Variants in FMN2 observed in about 807,000 individuals in gnomAD.
FMN2 encodes the protein formin 2, also known as formin-2.
FMN2 carries 51 observed loss-of-function variants against 142.3 expected under a neutral mutation model. The ratio of observed to expected loss-of-function variants is 0.36; its 90% confidence interval spans 0.29 to 0.45. The LOEUF is 0.45. Among genes scored for constraint, FMN2 ranks in the 20% least tolerant of loss-of-function variants. The pLI, the probability that FMN2 is intolerant of heterozygous loss-of-function variation, is 1.00. For missense variants in FMN2, 1,936 were observed against 2,122.8 expected, an observed-to-expected ratio of 0.91 and a Z score of 1.73; for synonymous variants, 882 against 869.8, an observed-to-expected ratio of 1.01 and a Z score of -0.25.
intron 7 of FMN2, among the ~76,000 whole-genome samples, chr1:240,275,265 G>A (rs972551482): frequency 1.3e-5 from 2 of 151,124 alleles, no homozygotes; most frequent in Admixed American, 6.6e-5. Flanking sequence ...ACAGGCCCCA[G>A]TGTGTGATGT....
chr1:240,370,790 C>T (rs559232517), intron 14 of FMN2, among the ~76,000 whole-genome samples: 96 of 152,134 alleles, frequency 6.3e-4, no homozygotes, highest in Non-Finnish European at 1.2e-3. Context: ...CGTATAATCA[C>T]CAATAACCTG....
chr1:240,391,890 T>C (rs764111360), intron 14 of FMN2, among the ~76,000 whole-genome samples: 1 of 152,140 alleles, frequency 6.6e-6, no homozygotes, highest in African/African-American at 2.4e-5. Context: ...TTTTAAGCAG[T>C]TCGAAATACT....
At chr1:240,114,110 C>A (rs1292436225) in intron 1 of FMN2, among the ~76,000 whole-genome samples, 2 of 152,110 alleles carry the variant, frequency 1.3e-5, no homozygotes, top group African/African-American at 2.4e-5. Context: ...TTTTATCAAC[C>A]CTTTTTTTCC....
In FMN2 at chr1:240,143,188, T is replaced by C. The variant is rs79700937; in HGVS notation, c.1782+19843T>C. The C allele has an allele frequency of 2.1e-4, 341 of 1,588,546 alleles. 1 individual carries two copies. In the East Asian group the frequency reaches 7.5e-3, roughly 35 times the overall value. On this transcript the variant is annotated intron_variant, in intron 2 of 17. Coordinates refer to ENST00000319653, the MANE Select transcript of FMN2 (RefSeq NM_020066.5). ...ATTGCAGCCAGACGGGCATTATTGG[T>C]ACCACTGCCCACCATGCCCATGGCA...
intron 4 of FMN2, among the ~76,000 whole-genome samples, chr1:240,189,518 T>A (rs73112863): frequency 0.024 from 3,698 of 152,348 alleles, 165 homozygotes; most frequent in African/African-American, 0.084. Context: ...AACTTCCCTT[T>A]AGAAAAGAAT....
At chr1:240,217,632 C>T (rs1262449106) in intron 6 of FMN2, among the ~76,000 whole-genome samples, 3 of 151,886 alleles carry the variant, frequency 2.0e-5, no homozygotes, top group Non-Finnish European at 4.4e-5. Context: ...TTTGTGGAAT[C>T]TGGATTTGTT....
intron 15 of FMN2, among the ~76,000 whole-genome samples, chr1:240,399,436 G>A (rs1054882947): frequency 6.6e-6 from 1 of 152,124 alleles, no homozygotes; most frequent in Non-Finnish European, 1.5e-5. Flanking sequence ...TCTAAATCAT[G>A]GTAAGAACAG....
chr1:240,438,576 G>A (rs1675488339), intron 16 of FMN2, among the ~76,000 whole-genome samples: 2 of 152,192 alleles, frequency 1.3e-5, no homozygotes, highest in Admixed American at 1.3e-4. Context: ...AGGGTAAAAG[G>A]AATAGTTTGC....
chr1:240,122,582 C>T (rs1404399919), intron 1 of FMN2, among the ~76,000 whole-genome samples: 1 of 152,092 alleles, frequency 6.6e-6, no homozygotes, highest in Non-Finnish European at 1.5e-5. Flanking sequence ...CATGTCTGGC[C>T]TTGGATCCAA....
rs567847285 is a variant in FMN2, at chr1:240,144,256, G to A, written c.1782+20911G>A. 102 of 1,596,412 alleles carry A rather than the reference G, an allele frequency of 6.4e-5. No homozygotes were observed. The South Asian group carries it at 1.1e-3, about 17-fold the overall frequency. ...CATTCACAAAGCCACTCACAAAAGA[G>A]GAGGCCAGGTTCATGCGGGCAGAGT... On this transcript the variant is annotated intron_variant, in intron 2 of 17. Transcript: ENST00000319653.
In FMN2 at chr1:240,256,048, G is replaced by C. The variant is rs147345415; in HGVS notation, c.4066-1897G>C. The stretch of plus-strand genomic sequence containing the variant: ...GTGTGATCAACATGTCAATACTATA[G>C]GGAGGTCGAATGATAGATGGATTGA... On this transcript the variant is annotated intron_variant, in intron 6 of 17. Transcript: ENST00000319653. Among the ~76,000 whole-genome samples, 527 of 152,276 alleles carry C rather than the reference G, an allele frequency of 3.5e-3. 3 individuals carry two copies. The highest frequency in any genetic ancestry group is 3.4e-3 in the Middle Eastern group (1 of 294).
intron 7 of FMN2, among the ~76,000 whole-genome samples, chr1:240,278,037 T>G (rs866384764): frequency 6.6e-6 from 1 of 152,200 alleles, no homozygotes; most frequent in South Asian, 2.1e-4. Context: ...CTTTACACTT[T>G]TGAGATGAAT....
chr1:240,367,179 T>C (rs1572236531), intron 14 of FMN2, among the ~76,000 whole-genome samples: 1 of 152,322 alleles, frequency 6.6e-6, no homozygotes, highest in East Asian at 1.9e-4. Flanking sequence ...TTCCTGATTA[T>C]TTTTGAGAAA....
chr1:240,105,616 A>G (rs997139127), intron 1 of FMN2, among the ~76,000 whole-genome samples: 1 of 152,154 alleles, frequency 6.6e-6, no homozygotes, highest in African/African-American at 2.4e-5. Flanking sequence ...ACTTTTCTCC[A>G]TAAAGAGTTT....
rs546333339 is a variant in FMN2, at chr1:240,409,194, G to A, written c.4910+16632G>A. On this transcript the variant is annotated intron_variant, in intron 15 of 17. Coordinates refer to ENST00000319653, the MANE Select transcript of FMN2 (RefSeq NM_020066.5). The stretch of plus-strand genomic sequence containing the variant: ...GTATCACTTTGCTGCCCAGGCTGGA[G>A]TGTGGTGGTGGGATTTCAGCTCCCT... Among the ~76,000 whole-genome samples, 8 of 152,140 alleles carry A rather than the reference G, an allele frequency of 5.3e-5. No homozygotes were observed. In the South Asian group the frequency reaches 1.7e-3, roughly 32 times the overall value.
chr1:240,104,659 T>C (rs1661536795), intron 1 of FMN2, among the ~76,000 whole-genome samples: 1 of 152,210 alleles, frequency 6.6e-6, no homozygotes, highest in Non-Finnish European at 1.5e-5. Flanking sequence ...ATTCTGTTTC[T>C]TAAAAAGAAC....
At chr1:240,143,986 T>A in intron 2 of FMN2, 1 of 1,332,680 alleles carries the variant, frequency 7.5e-7, no homozygotes. Context: ...CTGAAAGCAG[T>A]CCCAGAGCAG....
chr1:240,394,672 G>A (rs1405334033), intron 15 of FMN2, among the ~76,000 whole-genome samples: 1 of 152,124 alleles, frequency 6.6e-6, no homozygotes, highest in Non-Finnish European at 1.5e-5. Flanking sequence ...TGACTTTAAA[G>A]CTTCAGAGAA....
Position 240,205,838 on chromosome 1 carries a change from A to G in FMN2, c.1987-961A>G, listed in dbSNP as rs529843584. Among the ~76,000 whole-genome samples the G allele has an allele frequency of 2.5e-4, 38 of 150,614 alleles. 1 individual carries two copies. The South Asian group carries it at 8.0e-3, about 32-fold the overall frequency. Reference sequence around the variant, plus strand: ...TGATTGTGAGTTTTAGGAAAGGAAGACACCACTTATATGTCAGAGTGCCCC... The same window carrying G: ...TGATTGTGAGTTTTAGGAAAGGAAGGCACCACTTATATGTCAGAGTGCCCC... On this transcript the variant is annotated intron_variant, in intron 4 of 17. Transcript: ENST00000319653.
Sources: allele counts gnomAD v4.1 joint callset (sites outside exome capture counted in the v4.1 genomes callset), GRCh38; gene constraint gnomAD v4.1.1; transcripts MANE v1.5; gene names NCBI Gene and HGNC (gene_info 2026-07-23, HGNC 2026-07-21).